Variants in ZNF451 observed in about 807,000 individuals in gnomAD.
ZNF451 encodes E3 SUMO-protein ligase ZNF451.
In ZNF451, 80 loss-of-function variants were observed where a neutral mutation model predicts 107.1. The observed-to-expected ratio is 0.75, with a 90% CI of 0.62 to 0.90. ZNF451 has a LOEUF of 0.90. ZNF451 is among the 40% of genes least tolerant of loss of function. The pLI, the probability that ZNF451 is intolerant of heterozygous loss-of-function variation, is 0.00. For missense variants in ZNF451, 1,107 were observed against 1,236.2 expected, an observed-to-expected ratio of 0.90 and a Z score of 1.57; for synonymous variants, 362 against 406.5, an observed-to-expected ratio of 0.89 and a Z score of 1.32.
chr6:57,094,181 T>G (rs1829180310), intron 2 of ZNF451, among the ~76,000 whole-genome samples: 1 of 152,252 alleles, frequency 6.6e-6, no homozygotes, highest in Admixed American at 6.5e-5. Flanking sequence ...GAAACATATT[T>G]TAAAACTTAG....
intron 3 of ZNF451, chr6:57,104,110 A>G (rs1340812731): frequency 4.1e-6 from 4 of 984,728 alleles, no homozygotes; most frequent in African/African-American, 1.7e-5. Flanking sequence ...ATTTTACTCA[A>G]AATTTTATTT....
chr6:57,106,931 A>G (rs996398801), intron 3 of ZNF451: 30 of 931,204 alleles, frequency 3.2e-5, no homozygotes, highest in Non-Finnish European at 3.5e-5. Context: ...AGTTTTATAA[A>G]CCATTAAAAT....
At chr6:57,165,850 G>A (rs1242259780) in intron 14 of ZNF451, 1 of 152,106 alleles carries the variant, frequency 6.6e-6, no homozygotes, top group Non-Finnish European at 1.5e-5. Flanking sequence ...TCTAAACATA[G>A]AGACATAAAA....
At chr6:57,124,050 AAG>A (rs1365829545) in intron 3 of ZNF451, among the ~76,000 whole-genome samples, 1 of 152,120 alleles carries the variant, frequency 6.6e-6, no homozygotes, top group Non-Finnish European at 1.5e-5. Context: ...TGTGAGTGGC[AAG>A]AGGGGATATC....
intron 9 of ZNF451, among the ~76,000 whole-genome samples, 192 bp from the exon 10 acceptor site, chr6:57,146,894 AATAG>A (rs1312446362): frequency 3.9e-5 from 6 of 152,320 alleles, no homozygotes; most frequent in African/African-American, 1.2e-4. Context: ...TTTAACTAGA[AATAG>A]ATAAAGTGCA....
At chr6:57,167,001 G>T (rs1763927817) in intron 14 of ZNF451, among the ~76,000 whole-genome samples, 2 of 152,086 alleles carry the variant, frequency 1.3e-5, no homozygotes, top group South Asian at 4.1e-4. Context: ...CTCACTGGAG[G>T]TATGATATCT....
In ZNF451 at chr6:57,152,404, T is replaced by G. The variant is rs1037059813; in HGVS notation, c.2883+53T>G. The G allele has an allele frequency of 3.1e-5, 50 of 1,603,742 alleles. No homozygotes were observed. In the Admixed American group the frequency reaches 3.9e-4, roughly 12 times the overall value. On this transcript the variant is annotated intron_variant, in intron 12 of 14. Coordinates refer to ENST00000370706, the MANE Select transcript of ZNF451 (RefSeq NM_001031623.3). ...ATGTGAATCTCAGACCCACTTGCAT[T>G]TTTTTCCCCACTTGAATTGTAATGA... is the stretch of plus-strand genomic sequence containing the variant.
At chr6:57,161,685 GT>G (rs1195590867) in intron 14 of ZNF451, among the ~76,000 whole-genome samples, 1 of 151,590 alleles carries the variant, frequency 6.6e-6, no homozygotes, top group South Asian at 2.1e-4. Flanking sequence ...TTTTAAAAGG[GT>G]TTTTTTTGTT....
intron 3 of ZNF451, among the ~76,000 whole-genome samples, chr6:57,118,008 G>A (rs1830454022): frequency 6.6e-6 from 1 of 152,032 alleles, no homozygotes; most frequent in Non-Finnish European, 1.5e-5. Flanking sequence ...AAAATCCCTT[G>A]ATTTCCTATC....
intron 3 of ZNF451, chr6:57,103,813 G>A (rs767009122): frequency 5.0e-4 from 494 of 985,118 alleles, no homozygotes; most frequent in Non-Finnish European, 5.8e-4. Flanking sequence ...TTTCTCTGGT[G>A]CCACACTTTT....
chr6:57,117,760 A>G (rs1039832616), intron 3 of ZNF451, among the ~76,000 whole-genome samples: 1 of 152,214 alleles, frequency 6.6e-6, no homozygotes, highest in African/African-American at 2.4e-5. Flanking sequence ...TATGCTTTAA[A>G]GTAAACATTA....
intron 4 of ZNF451, among the ~76,000 whole-genome samples, chr6:57,125,061 G>T (rs1457549281): frequency 6.6e-6 from 1 of 151,834 alleles, no homozygotes; most frequent in African/African-American, 2.4e-5. Context: ...TATAGGAAAA[G>T]AAAAAATAAA....
intron 2 of ZNF451, among the ~76,000 whole-genome samples, chr6:57,094,937 C>T (rs1277338197): frequency 1.3e-5 from 2 of 152,164 alleles, no homozygotes; most frequent in Non-Finnish European, 2.9e-5. Flanking sequence ...AATTCAATAT[C>T]TCACCTTGTA....
intron 2 of ZNF451, chr6:57,093,034 C>T (rs974572885): frequency 6.6e-6 from 1 of 152,170 alleles, no homozygotes; most frequent in Non-Finnish European, 1.5e-5. Context: ...GCTGCCATAA[C>T]AAAAACTTCT....
At chr6:57,128,462 G>A (rs1481837079) in intron 4 of ZNF451, among the ~76,000 whole-genome samples, 3 of 151,942 alleles carry the variant, frequency 2.0e-5, no homozygotes, top group Non-Finnish European at 4.4e-5. Flanking sequence ...TTTTAATGAC[G>A]TCCATCAAAT....
At chr6:57,151,162 C>A (rs572263615) in intron 11 of ZNF451, 15 of 206,944 alleles carry the variant, frequency 7.2e-5, no homozygotes, top group Non-Finnish European at 1.2e-4. Context: ...AAGATCGAGA[C>A]CATCCTGGCT....
intron 3 of ZNF451, among the ~76,000 whole-genome samples, chr6:57,122,720 G>A (rs1203076781): frequency 6.6e-6 from 1 of 152,126 alleles, no homozygotes; most frequent in Non-Finnish European, 1.5e-5. Context: ...AAGTCAAAAA[G>A]TAACAGATAT....
chr6:57,154,112 A>G (rs1375981379), intron 13 of ZNF451, 65 bp downstream of exon 13: 1 of 1,514,542 alleles, frequency 6.6e-7, no homozygotes. Flanking sequence ...GAGAGAAACC[A>G]ATAAACTGCT....
At chr6:57,138,704 C>CATAT (rs60629541) in intron 7 of ZNF451, among the ~76,000 whole-genome samples, 443 of 43,740 alleles carry the variant, frequency 0.01, 6 homozygotes, top group Middle Eastern at 0.056. Context: ...GCAGCTATGC[C>CATAT]ATATATATAT....
Sources: allele counts gnomAD v4.1 joint callset (sites outside exome capture counted in the v4.1 genomes callset), GRCh38; gene constraint gnomAD v4.1.1; transcripts MANE v1.5; gene names NCBI Gene and HGNC (gene_info 2026-07-23, HGNC 2026-07-21).